Variants in NAA20 observed in about 807,000 individuals in gnomAD.
NAA20 encodes the protein N-alpha-acetyltransferase 20.
A neutral mutation model predicts 23.8 loss-of-function variants in NAA20; 24 were observed. That is an observed-to-expected ratio of 1.01 (90% CI 0.73 to 1.42). The LOEUF is 1.42. Among genes scored for constraint, NAA20 ranks in the 40% most tolerant of loss-of-function variants. The pLI is 0.00. For missense variants in NAA20, 166 were observed against 223.1 expected (o/e 0.74, Z 1.63); for synonymous variants, 83 against 77.7 (o/e 1.07, Z -0.36).
At chr20:20,023,003 C>G (rs2043281399) in intron 2 of NAA20, among the ~76,000 whole-genome samples, 1 of 152,134 alleles carries the variant, frequency 6.6e-6, no homozygotes, top group Non-Finnish European at 1.5e-5. Flanking sequence ...GGGTGTTCTT[C>G]CCTTTTAAGA....
At position 20,027,751 on chromosome 20, in the gene NAA20, ATT is replaced by A. The variant is rs11367808; in HGVS notation, c.305+848_305+849del. Among the ~76,000 whole-genome samples the A allele has an allele frequency of 1.1e-3, 149 of 139,696 alleles. 1 individual carries two copies. Among genetic ancestry groups the A allele is most frequent in the African/African-American group, 2.3e-3 (88 of 38,764 alleles). 91.6% of individuals were successfully genotyped at this position (139,696 alleles called of 152,430 possible). On this transcript the variant is annotated intron_variant, in intron 4 of 5. Coordinates refer to ENST00000334982, the MANE Select transcript of NAA20 (RefSeq NM_016100.5). The stretch of plus-strand genomic sequence containing the variant: ...ACAGTTTGCGAACTGCCAGCATGGC[ATT>A]TTTTTTTTTTTTTTTAAGGGACGTG...
In NAA20 at chr20:20,022,472, A is replaced by T. The variant is rs1568745922; in HGVS notation, c.70A>T (p.Thr24Ser). 1 of 1,582,960 alleles carries T rather than the reference A, an allele frequency of 6.3e-7. No homozygotes were observed. The highest frequency in any genetic ancestry group is 8.6e-7 in the Non-Finnish European group (1 of 1,168,378). Reference protein sequence around the residue: ...RFNNINLDPLTETYGIPFYLQ... With the variant: ...RFNNINLDPLSETYGIPFYLQ... Reference sequence around the variant, plus strand: ...TTCTTTCAGTAACTTGGATCCACTTACAGAAACTGTATCCTTTTTTACAAA... The same window carrying T: ...TTCTTTCAGTAACTTGGATCCACTTTCAGAAACTGTATCCTTTTTTACAAA... The change falls in exon 2 of 6, where the codon ACA becomes TCA. Residue 24 changes from threonine (T) to serine (S), a missense_variant. Thr to Ser is a moderately conservative substitution (Grantham distance 58, BLOSUM62 1). Transcript: ENST00000334982.
Position 20,026,847 on chromosome 20 carries a change from C to T in NAA20, c.233C>T (p.Ser78Phe). 1 of 1,614,192 alleles carries T rather than the reference C, an allele frequency of 6.2e-7. No homozygotes were observed. Residue 78 changes from serine to phenylalanine, a missense_variant, in exon 4 of 6, where the codon TCT (serine) becomes TTT (phenylalanine). Transcript: ENST00000334982. ...EEWHGHVTAL[S>F]VAPEFRRLGL... ...TGGCACGGGCACGTCACAGCTCTGT[C>T]TGTTGCCCCAGAATTTCGACGCCTT...
At chr20:20,020,237 G>A (rs908554874) in intron 1 of NAA20, among the ~76,000 whole-genome samples, 3 of 152,182 alleles carry the variant, frequency 2.0e-5, no homozygotes, top group African/African-American at 7.2e-5. Context: ...ATCACAGTGC[G>A]GGGAGTCATG....
At position 20,033,467 on chromosome 20, in the gene NAA20, C is replaced by T; in HGVS notation, c.*280C>T. The T allele has an allele frequency of 3.4e-6, 1 of 291,544 alleles. No homozygotes were observed. Among genetic ancestry groups the T allele is most frequent in the East Asian group, 5.8e-5 (1 of 17,134 alleles). 18.1% of individuals were successfully genotyped at this position (291,544 alleles called of 1,614,324 possible). Reference sequence around the variant, plus strand: ...GTTCATAGTATTCACTGTATGTATGCTAGGGAAAAGACTTGCTCCAGTCTC... The same window carrying T: ...GTTCATAGTATTCACTGTATGTATGTTAGGGAAAAGACTTGCTCCAGTCTC... On this transcript the variant is annotated 3_prime_UTR_variant, in exon 6 of 6. Transcript: ENST00000334982.
intron 1 of NAA20, among the ~76,000 whole-genome samples, chr20:20,019,797 G>C (rs1268614968): frequency 6.6e-6 from 1 of 152,146 alleles, no homozygotes; most frequent in African/African-American, 2.4e-5. Context: ...TGTTACCCGG[G>C]CTGGTCTGGA....
chr20:20,022,392 A>G, intron 1 of NAA20, 64 bp from the exon 2 acceptor site: 2 of 1,479,126 alleles, frequency 1.4e-6, no homozygotes, highest in Non-Finnish European at 1.8e-6. Flanking sequence ...TAGCTTTAGC[A>G]GGCTTATTTC....
At chr20:20,030,369 C>G (rs1297062741) in intron 4 of NAA20, among the ~76,000 whole-genome samples, 2 of 151,388 alleles carry the variant, frequency 1.3e-5, no homozygotes, top group African/African-American at 2.4e-5. Flanking sequence ...ATATTCCTTC[C>G]TGATAAAAAC....
intron 3 of NAA20, among the ~76,000 whole-genome samples, chr20:20,026,511 G>GT (rs11481799): frequency 0.36 from 50,595 of 142,370 alleles, 9,913 homozygotes; most frequent in Non-Finnish European, 0.46. Flanking sequence ...ACATACTCTG[G>GT]TTTTTTTTTT....
At chr20:20,018,173 G>T (rs1015860407) in intron 1 of NAA20, 1 of 1,349,206 alleles carries the variant, frequency 7.4e-7, no homozygotes, top group African/African-American at 1.4e-5. Flanking sequence ...CTTTGGATTC[G>T]AGTTAAGGCC....
chr20:20,020,398 GC>G (rs2043259189), intron 1 of NAA20, among the ~76,000 whole-genome samples: 1 of 152,198 alleles, frequency 6.6e-6, no homozygotes, highest in Non-Finnish European at 1.5e-5. Context: ...AACACTGGGG[GC>G]CAGGGGAGCT....
At chr20:20,017,907 C>T (rs2043242611) in intron 1 of NAA20, 2 of 1,603,744 alleles carry the variant, frequency 1.2e-6, no homozygotes, top group African/African-American at 1.3e-5. Flanking sequence ...AGGGGGCTTG[C>T]GAGGATCGGA....
intron 4 of NAA20, among the ~76,000 whole-genome samples, chr20:20,032,012 T>C (rs1420701596): frequency 6.6e-6 from 1 of 151,982 alleles, no homozygotes; most frequent in African/African-American, 2.4e-5. Flanking sequence ...AGACCTTACG[T>C]GAGACACTCA....
intron 2 of NAA20, among the ~76,000 whole-genome samples, 188 bp from the exon 3 acceptor site, chr20:20,025,489 C>T (rs2043300801): frequency 6.6e-6 from 1 of 152,164 alleles, no homozygotes; most frequent in African/African-American, 2.4e-5. Context: ...GCTATATGTC[C>T]AGGCAATTTT....
intron 1 of NAA20, among the ~76,000 whole-genome samples, chr20:20,021,862 G>A (rs1407711678): frequency 6.6e-6 from 1 of 152,164 alleles, no homozygotes; most frequent in Non-Finnish European, 1.5e-5. Flanking sequence ...ATGGTGTGCT[G>A]GGATGTGCTG....
intron 4 of NAA20, among the ~76,000 whole-genome samples, chr20:20,032,295 CAT>C (rs1300463609): frequency 6.7e-6 from 1 of 150,128 alleles, no homozygotes; most frequent in African/African-American, 2.4e-5. Flanking sequence ...AGCATGCAAA[CAT>C]AAAGTCATGT....
intron 4 of NAA20, among the ~76,000 whole-genome samples, chr20:20,027,584 G>T (rs2043314451): frequency 1.3e-5 from 2 of 152,056 alleles, no homozygotes; most frequent in Non-Finnish European, 2.9e-5. Context: ...GAGGAATGTA[G>T]CATGATCTTA....
intron 4 of NAA20, among the ~76,000 whole-genome samples, chr20:20,030,263 A>C (rs2146468333): frequency 6.6e-6 from 1 of 152,306 alleles, no homozygotes; most frequent in Non-Finnish European, 1.5e-5. Flanking sequence ...GGCACTACAT[A>C]AATAGGATGA....
chr20:20,018,048 G>A, intron 1 of NAA20: 1 of 1,614,234 alleles, frequency 6.2e-7, no homozygotes, highest in Non-Finnish European at 8.5e-7. Context: ...CATGGTTAGT[G>A]TTTGCAAGTT....
Sources: allele counts gnomAD v4.1 joint callset (sites outside exome capture counted in the v4.1 genomes callset), GRCh38; gene constraint gnomAD v4.1.1; transcripts MANE v1.5; gene names NCBI Gene and HGNC (gene_info 2026-07-23, HGNC 2026-07-21).